GRIP1: variants seen among roughly 807,000 people sequenced by gnomAD.
GRIP1 encodes the protein glutamate receptor interacting protein 1.
A neutral mutation model predicts 129.9 loss-of-function variants in GRIP1; 45 were observed. That is an observed-to-expected ratio of 0.35 (90% CI 0.27 to 0.44). The LOEUF (loss-of-function observed/expected upper bound fraction) is 0.44. Among genes scored for constraint, GRIP1 ranks in the 20% least tolerant of loss-of-function variants. GRIP1 has a pLI of 1.00. For synonymous variants in GRIP1, 530 were observed against 520.8 expected, an observed-to-expected ratio of 1.02 and a Z score of -0.24; for missense variants, 1,196 against 1,396.8, an observed-to-expected ratio of 0.86 and a Z score of 2.29.
rs80101645 is a variant in GRIP1 at position 66,606,992 on chromosome 12, G to GGA, written c.56-10067_56-10066dup. Among the ~76,000 whole-genome samples, 90 of 149,142 alleles carry GGA rather than the reference G, an allele frequency of 6.0e-4. 1 individual carries two copies. The Middle Eastern group carries it at 0.014, about 23-fold the overall frequency. ...CAAAATTTGATTCACATCCTTACTTGGAGAGAGAGAGAGAGAGAGAGAAAG... is the reference window on the plus strand; with the variant it reads ...CAAAATTTGATTCACATCCTTACTTGGAGAGAGAGAGAGAGAGAGAGAGAAAG... On this transcript the variant is annotated intron_variant, in intron 1 of 24. Transcript: ENST00000359742.
At chr12:66,602,373 G>GT (rs1278575779) in intron 1 of GRIP1, among the ~76,000 whole-genome samples, 3 of 131,482 alleles carry the variant, frequency 2.3e-5, no homozygotes, top group African/African-American at 9.5e-5. Context: ...AAAATGATGT[G>GT]TAACTACAAT....
chr12:66,564,732 C>T, intron 2 of GRIP1, among the ~76,000 whole-genome samples: 1 of 152,196 alleles, frequency 6.6e-6, no homozygotes, highest in Non-Finnish European at 1.5e-5. Flanking sequence ...AACTAGTTTA[C>T]AGTCCCACCA....
chr12:67,038,320 T>G (rs1348404729), intron 1 of GRIP1, among the ~76,000 whole-genome samples: 3 of 152,212 alleles, frequency 2.0e-5, no homozygotes, highest in Non-Finnish European at 4.4e-5. Context: ...CACTGCCACA[T>G]TCCACAAGGT....
chr12:66,764,311 T>C (rs2037560812), intron 1 of GRIP1, among the ~76,000 whole-genome samples: 1 of 152,216 alleles, frequency 6.6e-6, no homozygotes, highest in Non-Finnish European at 1.5e-5. Context: ...GCTACAGCCA[T>C]CTATTAATTA....
At chr12:66,888,175 C>T (rs1348037760) in intron 1 of GRIP1, among the ~76,000 whole-genome samples, 3 of 152,010 alleles carry the variant, frequency 2.0e-5, no homozygotes, top group Non-Finnish European at 2.9e-5. Flanking sequence ...CCCACCTCAG[C>T]CTCCTGAGTA....
intron 1 of GRIP1, among the ~76,000 whole-genome samples, chr12:67,015,347 T>C (rs1378845865): frequency 2.0e-5 from 3 of 152,192 alleles, no homozygotes; most frequent in East Asian, 3.8e-4. Context: ...TATAAACATG[T>C]GCTCAGGAGA....
intron 1 of GRIP1, among the ~76,000 whole-genome samples, chr12:66,762,678 C>G (rs2136677286): frequency 6.6e-6 from 1 of 152,262 alleles, no homozygotes; most frequent in Admixed American, 6.5e-5. Flanking sequence ...TGTGCTTATG[C>G]TGGGAAATCA....
intron 11 of GRIP1, among the ~76,000 whole-genome samples, chr12:66,447,953 C>T (rs1169326265): frequency 3.3e-5 from 5 of 152,176 alleles, no homozygotes; most frequent in African/African-American, 4.8e-5. Flanking sequence ...AGGTTTGTTT[C>T]GAGTGTCTTA....
At chr12:66,818,769 G>C (rs1271140636) in intron 1 of GRIP1, among the ~76,000 whole-genome samples, 1 of 152,148 alleles carries the variant, frequency 6.6e-6, no homozygotes, top group Non-Finnish European at 1.5e-5. Context: ...TGGTGCCACT[G>C]TTTGGGTACT....
chr12:66,492,683 C>T (rs1460376257), intron 7 of GRIP1, among the ~76,000 whole-genome samples: 1 of 152,080 alleles, frequency 6.6e-6, no homozygotes, highest in Non-Finnish European at 1.5e-5. Context: ...CTAGAAGGGA[C>T]AGCAAATAAG....
At chr12:66,587,491 G>A (rs7975411) in intron 2 of GRIP1, among the ~76,000 whole-genome samples, 88,510 of 152,148 alleles carry the variant, frequency 0.58, 26,059 homozygotes, top group East Asian at 0.74. Flanking sequence ...CTGAATGCCT[G>A]TTTCAACTGC....
rs1046359684 is a variant in GRIP1, at chr12:66,576,336, G to A, written c.136+20511C>T. Among the ~76,000 whole-genome samples the A allele has an allele frequency of 7.9e-5, 12 of 152,288 alleles. No individual in the cohort carries two copies. The South Asian group carries it at 1.0e-3, about 13-fold the overall frequency. ...ATGGGTAAAAGGCAAGATCTCTGCC[G>A]GGGATGCTGCAAAGCTCTGTCCTTG... is the stretch of plus-strand genomic sequence containing the variant. On this transcript the variant is annotated intron_variant, in intron 2 of 24. Transcript: ENST00000359742.
chr12:66,915,065 C>G (rs776747651), intron 1 of GRIP1, among the ~76,000 whole-genome samples: 13 of 152,150 alleles, frequency 8.5e-5, no homozygotes, highest in Non-Finnish European at 1.6e-4. Flanking sequence ...TTTACCTGAT[C>G]TTGAGGGAAT....
chr12:66,700,573 G>A lies in GRIP1; in HGVS notation c.-419-70237C>T, dbSNP rs572344315. On this transcript the variant is annotated intron_variant, in intron 1 of 4. Coordinates refer to the GRIP1 transcript ENST00000538373. ...AGTGATCCTCCCGCCTCAGGCTCCT[G>A]AGTAGCTAGGATGACAGGTGCATGC... is the stretch of plus-strand genomic sequence containing the variant. Among the ~76,000 whole-genome samples the A allele has an allele frequency of 3.9e-5, 6 of 152,188 alleles. No individual in the cohort carries two copies. The South Asian group carries it at 1.2e-3, about 32-fold the overall frequency.
intron 1 of GRIP1, among the ~76,000 whole-genome samples, chr12:66,792,694 G>A (rs1486549184): frequency 2.6e-5 from 4 of 151,962 alleles, no homozygotes; most frequent in East Asian, 1.9e-4. Flanking sequence ...TTCTGATTGA[G>A]GAACACTCAA....
chr12:66,646,559 C>T (rs1486996109), intron 1 of GRIP1, among the ~76,000 whole-genome samples: 1 of 152,156 alleles, frequency 6.6e-6, no homozygotes, highest in Non-Finnish European at 1.5e-5. Context: ...GGAACATAAG[C>T]CTTGCTAGGT....
upstream of GRIP1, among the ~76,000 whole-genome samples, chr12:66,681,647 G>A (rs1291487099): frequency 6.6e-6 from 1 of 152,128 alleles, no homozygotes; most frequent in Non-Finnish European, 1.5e-5. Flanking sequence ...CTCTGTGAGG[G>A]TCACCAAGTA....
At chr12:66,704,432 G>A (rs1291983037) in intron 1 of GRIP1, among the ~76,000 whole-genome samples, 1 of 151,874 alleles carries the variant, frequency 6.6e-6, no homozygotes, top group Non-Finnish European at 1.5e-5. Flanking sequence ...TCAGTAAAAA[G>A]ATCACTAACA....
chr12:66,603,572 C>G (rs566265120), intron 1 of GRIP1, among the ~76,000 whole-genome samples: 3 of 152,218 alleles, frequency 2.0e-5, no homozygotes, highest in Admixed American at 6.5e-5. Flanking sequence ...CCAACTGATA[C>G]GACCAACAGC....
Sources: gnomAD v4.1 joint callset for allele counts (sites outside exome capture counted in the v4.1 genomes callset) on GRCh38, gnomAD v4.1.1 for gene constraint, MANE v1.5 for transcripts, NCBI Gene and HGNC (gene_info 2026-07-23, HGNC 2026-07-21) for gene names.